ARMH3: variants seen among roughly 807,000 people sequenced by gnomAD.
The protein encoded by ARMH3 is armadillo-like helical domain-containing protein 3.
Under a neutral mutation model 99.1 loss-of-function variants are expected in ARMH3, and 60 were observed. That is an observed-to-expected ratio of 0.61 (90% CI 0.49 to 0.75). ARMH3 has a LOEUF of 0.75. ARMH3 is among the 30% of genes least tolerant of loss of function. ARMH3 has a pLI of 0.00. For missense variants in ARMH3, 679 were observed against 843.1 expected, an observed-to-expected ratio of 0.81 and a Z score of 2.41; for synonymous variants, 285 against 292.8, an observed-to-expected ratio of 0.97 and a Z score of 0.27.
intron 25 of ARMH3, 30 bp from the exon 26 acceptor site, chr10:101,847,650 G>A (rs1182295845): frequency 1.9e-6 from 3 of 1,600,136 alleles, no homozygotes; most frequent in South Asian, 1.1e-5. Flanking sequence ...GAAGGTGGGA[G>A]GGCGCAGCCA....
rs536231289 is a variant in ARMH3 at position 101,985,154 on chromosome 10, A to T, written c.1406+5397T>A. On this transcript the variant is annotated intron_variant, in intron 19 of 25. Transcript: ENST00000370033. ...ACACATGTGTACATATATAAATATA[A>T]TGTATATATACGTGTACACATATAT... Among the ~76,000 whole-genome samples the T allele has an allele frequency of 2.0e-5, 3 of 150,010 alleles. No individual in the cohort carries two copies. The South Asian group carries it at 6.3e-4, about 31-fold the overall frequency.
chr10:102,053,982 T>C (rs1482252506), intron 1 of ARMH3, among the ~76,000 whole-genome samples: 1 of 152,312 alleles, frequency 6.6e-6, no homozygotes, highest in African/African-American at 2.4e-5. Flanking sequence ...ATATCCTGGA[T>C]CAATTTTTGG....
chr10:101,847,548 C>A lies in ARMH3; in HGVS notation c.2050G>T (p.Glu684Ter). The A allele has an allele frequency of 6.2e-7, 1 of 1,614,144 alleles. No individual in the cohort carries two copies. The highest frequency in any genetic ancestry group is 8.5e-7 in the Non-Finnish European group (1 of 1,180,012). Residue 684 changes from glutamate (E) to a stop codon, truncating the protein, a stop_gained, in exon 26 of 26, where the codon GAG becomes TAG. Coordinates refer to ENST00000370033, the MANE Select transcript of ARMH3 (RefSeq NM_024541.3). LOFTEE classifies it high-confidence loss of function. ...HTLSQEVLLK[E>*]FSTIS ...TGGCCTCAGGAGATAGTGGAGAACT[C>A]CTTGAGCAGGACTTCTTGGCTGAGT...
At position 101,872,217 on chromosome 10, in the gene ARMH3, TAG is replaced by T. The variant is rs199866454; in HGVS notation, c.1860+17193_1860+17194del. On this transcript the variant is annotated intron_variant, in intron 24 of 25. Coordinates refer to ENST00000370033, the MANE Select transcript of ARMH3 (RefSeq NM_024541.3). ...AAGCTACTGACTTGGAGAAAATATT[TAG>T]AGAGTGTGTGTGTGTGTGTCTGTGT... Among the ~76,000 whole-genome samples, 37 of 151,394 alleles carry T rather than the reference TAG, an allele frequency of 2.4e-4. 1 individual carries two copies. In the South Asian group the frequency reaches 7.5e-3, roughly 31 times the overall value.
At chr10:102,008,379 C>CT (rs1422775224) in intron 13 of ARMH3, among the ~76,000 whole-genome samples, 1 of 152,132 alleles carries the variant, frequency 6.6e-6, no homozygotes, top group African/African-American at 2.4e-5. Flanking sequence ...GATAATAACA[C>CT]TTTATCAATT....
rs376365123 is a variant in ARMH3, at chr10:101,868,252, A to T, written c.1861-18360T>A. Among the ~76,000 whole-genome samples, 17 of 152,340 alleles carry T rather than the reference A, an allele frequency of 1.1e-4. No homozygotes were observed. The East Asian group carries it at 2.5e-3, about 22-fold the overall frequency. On this transcript the variant is annotated intron_variant, in intron 24 of 25. Coordinates refer to ENST00000370033, the MANE Select transcript of ARMH3 (RefSeq NM_024541.3). Reference sequence around the variant, plus strand: ...AGACAATAGGAAGAAGACATAGAAGAAGCAGAGCCAAGAAACAAATTGACA... The same window carrying T: ...AGACAATAGGAAGAAGACATAGAAGTAGCAGAGCCAAGAAACAAATTGACA...
chr10:102,049,074 A>G (rs973563674), intron 1 of ARMH3, among the ~76,000 whole-genome samples: 1 of 151,802 alleles, frequency 6.6e-6, no homozygotes, highest in Non-Finnish European at 1.5e-5. Flanking sequence ...TATTTAGCTC[A>G]CTTGCTAGAT....
intron 24 of ARMH3, among the ~76,000 whole-genome samples, chr10:101,865,462 T>A (rs1330801268): frequency 6.6e-6 from 1 of 152,104 alleles, no homozygotes; most frequent in African/African-American, 2.4e-5. Flanking sequence ...TGTATAAAAT[T>A]AACTGTAGTA....
chr10:101,948,353 T>C (rs1251534235), intron 22 of ARMH3, among the ~76,000 whole-genome samples: 1 of 152,178 alleles, frequency 6.6e-6, no homozygotes, highest in Admixed American at 6.5e-5. Flanking sequence ...ATCACATCTG[T>C]GAATAGCCAC....
intron 24 of ARMH3, among the ~76,000 whole-genome samples, chr10:101,857,391 C>G (rs2066759919): frequency 6.6e-6 from 1 of 152,018 alleles, no homozygotes; most frequent in Non-Finnish European, 1.5e-5. Flanking sequence ...CCAAGAGGTT[C>G]AGTGAGGTTG....
rs973518358 is a variant in ARMH3, at chr10:101,908,798, G to C, written c.1782-19308C>G. Among the ~76,000 whole-genome samples the C allele has an allele frequency of 1.3e-4, 19 of 151,356 alleles. 1 individual carries two copies. Among genetic ancestry groups the C allele is most frequent in the Admixed American group, 1.3e-3 (19 of 15,172 alleles). On this transcript the variant is annotated intron_variant, in intron 23 of 25. Transcript: ENST00000370033. ...CCTGCCTCAGCCTCCTGAGTAGCTCGGATTACAGGCATGCACCACGTCACC... is the reference window on the plus strand; with the variant it reads ...CCTGCCTCAGCCTCCTGAGTAGCTCCGATTACAGGCATGCACCACGTCACC...
chr10:101,921,977 A>G (rs1843325987), intron 23 of ARMH3, among the ~76,000 whole-genome samples: 1 of 152,234 alleles, frequency 6.6e-6, no homozygotes, highest in South Asian at 2.1e-4. Flanking sequence ...AATAGCTAGA[A>G]GAGAGGACTT....
intron 22 of ARMH3, among the ~76,000 whole-genome samples, chr10:101,946,581 T>C (rs1442599957): frequency 2.6e-5 from 4 of 151,912 alleles, no homozygotes; most frequent in Non-Finnish European, 5.9e-5. Flanking sequence ...AAGGAGTCAG[T>C]GAACATAAAG....
At chr10:101,881,886 C>T (rs539011285) in intron 24 of ARMH3, among the ~76,000 whole-genome samples, 49 of 152,316 alleles carry the variant, frequency 3.2e-4, no homozygotes, top group African/African-American at 1.1e-3. Flanking sequence ...ATCCCTACCA[C>T]TCCTCTTTCA....
intron 20 of ARMH3, among the ~76,000 whole-genome samples, chr10:101,972,225 C>T (rs1306741588): frequency 6.6e-6 from 1 of 152,000 alleles, no homozygotes; most frequent in Non-Finnish European, 1.5e-5. Context: ...GGCTACCTCC[C>T]CAATAATAAC....
intron 23 of ARMH3, among the ~76,000 whole-genome samples, chr10:101,934,194 C>T (rs1473617409): frequency 1.3e-5 from 2 of 152,246 alleles, no homozygotes; most frequent in African/African-American, 4.8e-5. Context: ...GTTCCTCAGC[C>T]TCCCCAGCAG....
chr10:102,018,401 A>T (rs548331691), intron 8 of ARMH3, among the ~76,000 whole-genome samples: 216 of 152,340 alleles, frequency 1.4e-3, no homozygotes, highest in African/African-American at 5.0e-3. Context: ...AGGAGTTTCT[A>T]GGCCAACAGC....
rs114880823 is a variant in ARMH3 at position 101,932,422 on chromosome 10, A to G, written c.1781+7441T>C. ...CAATAACACTTCTGGGTACATACCCAAAAGAAATGAAAGCAGAGTCTCAAA... is the reference window on the plus strand; with the variant it reads ...CAATAACACTTCTGGGTACATACCCGAAAGAAATGAAAGCAGAGTCTCAAA... On this transcript the variant is annotated intron_variant, in intron 23 of 25. Transcript: ENST00000370033. Among the ~76,000 whole-genome samples the G allele has an allele frequency of 9.3e-3, 1,422 of 152,360 alleles. 17 individuals carry two copies. Among genetic ancestry groups the G allele is most frequent in the African/African-American group, 0.032 (1,350 of 41,580 alleles).
intron 2 of ARMH3, among the ~76,000 whole-genome samples, chr10:102,038,734 T>A (rs567474234): frequency 6.6e-6 from 1 of 151,836 alleles, no homozygotes; most frequent in South Asian, 2.1e-4. Context: ...ACCCAATATA[T>A]GGTCTTTTTT....
Sources: gnomAD v4.1 joint callset for allele counts (sites outside exome capture counted in the v4.1 genomes callset) on GRCh38, gnomAD v4.1.1 for gene constraint, MANE v1.5 for transcripts, NCBI Gene and HGNC (gene_info 2026-07-23, HGNC 2026-07-21) for gene names.